The following LAMC3 variants were observed in gnomAD, a reference collection of about 807,000 sequenced individuals.
The protein encoded by LAMC3 is laminin subunit gamma 3.
Under a neutral mutation model 173.8 loss-of-function variants are expected in LAMC3, and 128 were observed. The observed-to-expected ratio is 0.74, with a 90% CI of 0.64 to 0.85. The LOEUF (loss-of-function observed/expected upper bound fraction) is 0.85, where lower values mean the gene tolerates loss of function less well. Ranked by LOEUF, LAMC3 falls within the 40% of genes least tolerant of loss-of-function variation. LAMC3 has a pLI of 0.00. For missense variants in LAMC3, 2,022 were observed against 2,156.0 expected (o/e 0.94, Z 1.23); for synonymous variants, 897 against 909.1 (o/e 0.99, Z 0.24).
intron 12 of LAMC3, among the ~76,000 whole-genome samples, chr9:131,058,500 C>T (rs1469636070): frequency 1.3e-5 from 2 of 152,160 alleles, no homozygotes; most frequent in African/African-American, 2.4e-5. Context: ...ACTCAGACCT[C>T]TTCCACTCCC....
intron 2 of LAMC3, among the ~76,000 whole-genome samples, chr9:131,028,187 C>T (rs993538862): frequency 2.4e-4 from 37 of 152,336 alleles, no homozygotes; most frequent in African/African-American, 8.4e-4. Flanking sequence ...AACTGGGTTG[C>T]GTGTCCTCCT....
chr9:131,073,197 C>G, intron 19 of LAMC3, 48 bp from the exon 20 acceptor site: 1 of 1,435,882 alleles, frequency 7.0e-7, no homozygotes, highest in Non-Finnish European at 9.8e-7. Context: ...GGCCCTTACC[C>G]TTTGGCGATG....
intron 1 of LAMC3, among the ~76,000 whole-genome samples, chr9:131,019,823 C>T (rs1833596074): frequency 6.7e-6 from 1 of 148,274 alleles, no homozygotes; most frequent in African/African-American, 2.5e-5. Context: ...GAGGTCCCAC[C>T]CGCCCCCCTC....
At chr9:131,063,506 C>T (rs569262986) in intron 13 of LAMC3, among the ~76,000 whole-genome samples, 3 of 152,318 alleles carry the variant, frequency 2.0e-5, no homozygotes, top group African/African-American at 7.2e-5. Context: ...TCTGCCAGTG[C>T]CCTTCTTATC....
chr9:131,044,187 C>CTGATG (rs1209192692), intron 7 of LAMC3, among the ~76,000 whole-genome samples: 1 of 151,504 alleles, frequency 6.6e-6, no homozygotes, highest in Non-Finnish European at 1.5e-5. Context: ...TCGAACTGAC[C>CTGATG]TCAGGTGATC....
At chr9:131,011,570 C>A (rs1021193759) in intron 1 of LAMC3, among the ~76,000 whole-genome samples, 4 of 152,090 alleles carry the variant, frequency 2.6e-5, no homozygotes, top group Middle Eastern at 3.4e-3. Context: ...ACCTCAGAAA[C>A]TCCCTTCTTC....
At chr9:131,074,718 A>G (rs1228389411) in intron 20 of LAMC3, among the ~76,000 whole-genome samples, 6 of 146,366 alleles carry the variant, frequency 4.1e-5, no homozygotes, top group African/African-American at 1.5e-4. Context: ...AAAAAAAAAG[A>G]CGCAGCTTAA....
At chr9:131,066,844 C>G (rs1829943268) in intron 13 of LAMC3, 116 bp from the exon 14 acceptor site, 1 of 1,423,990 alleles carries the variant, frequency 7.0e-7, no homozygotes, top group South Asian at 1.3e-5. Flanking sequence ...GTCCTCCTGC[C>G]CAAGCCCGTG....
intron 4 of LAMC3, 133 bp from the exon 5 acceptor site, chr9:131,038,731 C>T (rs1833987860): frequency 8.4e-6 from 8 of 950,568 alleles, no homozygotes; most frequent in East Asian, 7.2e-5. Context: ...GGCCTGAACT[C>T]CATTCTGGAC....
chr9:131,034,042 C>T (rs1224166823), intron 3 of LAMC3, among the ~76,000 whole-genome samples: 1 of 152,166 alleles, frequency 6.6e-6, no homozygotes, highest in Non-Finnish European at 1.5e-5. Flanking sequence ...GGGAAGGCGG[C>T]CATGAGCTCC....
chr9:131,085,562 G>T lies in LAMC3; in HGVS notation c.4069G>T (p.Ala1357Ser). The change falls in exon 25 of 28, where the codon GCA (alanine) becomes TCA (serine). Residue 1357 changes from alanine to serine, a missense_variant. Physicochemically the swap from Ala to Ser is moderately conservative, Grantham distance 99. Coordinates refer to ENST00000361069, the MANE Select transcript of LAMC3 (RefSeq NM_006059.4). ...LQFPRPKDQA[A>S]LQRKADSVSD... ...GTTTCCCCGGCCCAAGGACCAGGCG[G>T]CATTGCAGAGGAAGGCAGACTCCGT... 1 of 1,614,108 alleles carries T rather than the reference G, an allele frequency of 6.2e-7. No individual in the cohort carries two copies. Among genetic ancestry groups the T allele is most frequent in the Non-Finnish European group, 8.5e-7 (1 of 1,180,034 alleles).
chr9:131,091,383 C>T (rs956081124), intron 27 of LAMC3, among the ~76,000 whole-genome samples, 154 bp from the exon 28 acceptor site: 2 of 152,264 alleles, frequency 1.3e-5, no homozygotes, highest in African/African-American at 4.8e-5. Flanking sequence ...CCTCACCCAC[C>T]TCCCAGCCCT....
intron 21 of LAMC3, among the ~76,000 whole-genome samples, chr9:131,076,729 G>C (rs933435266): frequency 1.3e-5 from 2 of 152,028 alleles, no homozygotes; most frequent in African/African-American, 4.8e-5. Flanking sequence ...AGGGCAAAAG[G>C]GCCCACAGGG....
intron 17 of LAMC3, among the ~76,000 whole-genome samples, chr9:131,070,828 G>A (rs540528381): frequency 2.6e-5 from 4 of 152,336 alleles, no homozygotes; most frequent in South Asian, 2.1e-4. Flanking sequence ...CTATTTCCAC[G>A]AAGTGGGTAA....
Position 131,071,187 on chromosome 9 carries a change from G to A in LAMC3, c.3070-297G>A, listed in dbSNP as rs4740407. On this transcript the variant is annotated intron_variant, in intron 17 of 27. Coordinates refer to ENST00000361069, the MANE Select transcript of LAMC3 (RefSeq NM_006059.4). Reference sequence around the variant, plus strand: ...CCTGGGAACACAGCGAACAGGACAGGCAGAAATCCTCGTGGGGCATCCCTC... The same window carrying A: ...CCTGGGAACACAGCGAACAGGACAGACAGAAATCCTCGTGGGGCATCCCTC... Among the ~76,000 whole-genome samples the A allele has an allele frequency of 0.34, 51,501 of 152,098 alleles. 9,655 individuals carry two copies. The highest frequency in any genetic ancestry group is 0.44 in the Middle Eastern group (128 of 294).
At chr9:131,090,573 C>G (rs948599776) in intron 27 of LAMC3, among the ~76,000 whole-genome samples, 2 of 152,182 alleles carry the variant, frequency 1.3e-5, no homozygotes, top group Middle Eastern at 3.2e-3. Context: ...CCCAGGGGCC[C>G]AGTGGAATCC....
intron 27 of LAMC3, among the ~76,000 whole-genome samples, chr9:131,088,704 A>T (rs1390671537): frequency 6.6e-6 from 1 of 152,138 alleles, no homozygotes; most frequent in East Asian, 1.9e-4. Flanking sequence ...CTCCAACTGA[A>T]GCTCTGTCCT....
chr9:131,079,273 T>C lies in LAMC3; in HGVS notation c.3902T>C (p.Leu1301Pro). Residue 1301 changes from leucine to proline, a missense_variant, in exon 23 of 28, where the codon CTA becomes CCA. Transcript: ENST00000361069. Reference sequence around the variant, plus strand: ...CTCCAGACTGCTGCCCAGGCGACGCTACGGCAAACAGAACCCCTCACAAAG... The same window carrying C: ...CTCCAGACTGCTGCCCAGGCGACGCCACGGCAAACAGAACCCCTCACAAAG... ...RTLQTAAQAT[L>P]RQTEPLTKLH... 1.2e-6 allele frequency: 2 copies of C among 1,614,204 alleles called. No individual in the cohort carries two copies. Among genetic ancestry groups the C allele is most frequent in the Non-Finnish European group, 1.7e-6 (2 of 1,180,018 alleles).
intron 12 of LAMC3, among the ~76,000 whole-genome samples, chr9:131,057,621 C>A (rs1171231910): frequency 6.6e-6 from 1 of 152,218 alleles, no homozygotes; most frequent in African/African-American, 2.4e-5. Context: ...AGACCTGCCA[C>A]CCTCACCCCT....
Sources: allele counts gnomAD v4.1 joint callset (sites outside exome capture counted in the v4.1 genomes callset), GRCh38; gene constraint gnomAD v4.1.1; transcripts MANE v1.5; gene names NCBI Gene and HGNC (gene_info 2026-07-23, HGNC 2026-07-21).